Variants in OVOL2 observed in about 807,000 individuals in gnomAD.
The protein encoded by OVOL2 is transcription factor Ovo-like 2.
A neutral mutation model predicts 18.1 loss-of-function variants in OVOL2; 13 were observed. The observed-to-expected ratio is 0.72, with a 90% confidence interval of 0.47 to 1.14. OVOL2 has a LOEUF of 1.14. Ranked by LOEUF, OVOL2 falls within the 50% of genes most tolerant of loss-of-function variation. OVOL2 has a pLI of 0.00. For synonymous variants in OVOL2, 166 were observed against 162.7 expected (o/e 1.02, Z -0.16); for missense variants, 335 against 383.0 (o/e 0.87, Z 1.05).
At position 18,057,345 on chromosome 20, in the gene OVOL2, G is replaced by A. The variant is rs1433276107; in HGVS notation, c.100+190C>T. On this transcript the variant is annotated intron_variant, in intron 1 of 3. Transcript: ENST00000278780. The surrounding 1 kb of genome is among the most constrained non-coding windows in gnomAD (Gnocchi z 6.3). The stretch of plus-strand genomic sequence containing the variant: ...TTAGAGGCTCCCACTACGGGGAAGG[G>A]GGCGCCTAGAGTCTGGGGCATCCCA... 6.6e-6 allele frequency among the ~76,000 whole-genome samples: 1 copy of A among 152,168 alleles called. No homozygotes were observed. The highest frequency in any genetic ancestry group is 1.5e-5 in the Non-Finnish European group (1 of 68,024).
chr20:18,036,862 C>T (rs1325887198), intron 3 of OVOL2, among the ~76,000 whole-genome samples: 4 of 152,094 alleles, frequency 2.6e-5, no homozygotes, highest in African/African-American at 7.2e-5. Flanking sequence ...ACAGGCCGGG[C>T]GCGGTGGCTC....
chr20:18,048,878 T>G (rs1600450011), intron 2 of OVOL2, among the ~76,000 whole-genome samples: 1 of 152,266 alleles, frequency 6.6e-6, no homozygotes, highest in African/African-American at 2.4e-5. Flanking sequence ...ATTAATATAT[T>G]TAATTATAAG....
At chr20:18,051,356 G>A (rs538014634) in intron 2 of OVOL2, among the ~76,000 whole-genome samples, 1 of 152,130 alleles carries the variant, frequency 6.6e-6, no homozygotes, top group Admixed American at 6.5e-5. Context: ...AATGAACTGT[G>A]CCACTGGAAA....
rs1436962143 is a variant in OVOL2, at chr20:18,024,597, A to T, written c.*39T>A. ...GAAAACCAAAAATCCACGTAGACAT[A>T]CGTGGCAGTGTGAACGTCTGTCCTC... On this transcript the variant is annotated 3_prime_UTR_variant, in exon 4 of 4. Coordinates refer to ENST00000278780, the MANE Select transcript of OVOL2 (RefSeq NM_021220.4). 2 of 1,517,280 alleles carry T rather than the reference A, an allele frequency of 1.3e-6. No individual in the cohort carries two copies. Among genetic ancestry groups the T allele is most frequent in the African/African-American group, 1.4e-5 (1 of 72,438 alleles). The allele number at this position is 1,517,280 out of a possible 1,614,324, so 94.0% of individuals were successfully genotyped here.
intron 2 of OVOL2, among the ~76,000 whole-genome samples, chr20:18,050,353 C>T (rs1483521668): frequency 6.6e-6 from 1 of 152,208 alleles, no homozygotes; most frequent in Non-Finnish European, 1.5e-5. Context: ...GGACGGGCAG[C>T]CATCGAGGTG....
chr20:18,033,624 A>G (rs1055037111), intron 3 of OVOL2, among the ~76,000 whole-genome samples: 3 of 152,204 alleles, frequency 2.0e-5, no homozygotes, highest in African/African-American at 7.2e-5. Context: ...GACTTAAATG[A>G]TGGGCCTGGC....
intron 2 of OVOL2, among the ~76,000 whole-genome samples, chr20:18,048,153 G>A (rs548786528): frequency 1.3e-5 from 2 of 151,770 alleles, no homozygotes; most frequent in African/African-American, 4.8e-5. Context: ...CAGTTGTGGT[G>A]GTGCACGCCT....
Position 18,042,876 on chromosome 20 carries a change from G to C in OVOL2, c.322-1153C>G, listed in dbSNP as rs528194018. On this transcript the variant is annotated intron_variant, in intron 2 of 3. Transcript: ENST00000278780. The stretch of plus-strand genomic sequence containing the variant: ...GTTCCCCTTCCGCCTTCTATGAGTG[G>C]AAGCTTCCTGAGGGCCTCACCAGAA... Among the ~76,000 whole-genome samples the C allele has an allele frequency of 1.7e-3, 253 of 151,914 alleles. 1 individual carries two copies. Among genetic ancestry groups the C allele is most frequent in the African/African-American group, 5.9e-3 (244 of 41,418 alleles).
rs1012101908 is a variant in OVOL2 at position 18,057,217 on chromosome 20, C to A, written c.100+318G>T. On this transcript the variant is annotated intron_variant, in intron 1 of 3. Coordinates refer to ENST00000278780, the MANE Select transcript of OVOL2 (RefSeq NM_021220.4). This position sits in a 1 kb window ranked among gnomAD's most constrained non-coding sequence, Gnocchi z 6.3. ...AGAAGGGTTGGCGAGCCTTTGTGCA[C>A]CCCCATGAGGACGTGAGATTGGGGG... Among the ~76,000 whole-genome samples the A allele has an allele frequency of 6.6e-6, 1 of 152,078 alleles. No individual in the cohort carries two copies. The highest frequency in any genetic ancestry group is 1.5e-5 in the Non-Finnish European group (1 of 68,000).
chr20:18,041,249 C>T lies in OVOL2; in HGVS notation c.511+285G>A, dbSNP rs369223487. On this transcript the variant is annotated intron_variant, in intron 3 of 3. Transcript: ENST00000278780. ...CATGATCTTGGCTCACTGCAACCTC[C>T]GCCTCCCAGGTTCAAGCGATTCTCC... is the stretch of plus-strand genomic sequence containing the variant. 6.0e-4 allele frequency among the ~76,000 whole-genome samples: 91 copies of T among 152,156 alleles called. 1 individual carries two copies. The highest frequency in any genetic ancestry group is 2.0e-3 in the African/African-American group (84 of 41,506).
intron 2 of OVOL2, among the ~76,000 whole-genome samples, chr20:18,044,274 A>T (rs544394112): frequency 6.6e-6 from 1 of 152,248 alleles, no homozygotes; most frequent in Non-Finnish European, 1.5e-5. Flanking sequence ...AAGTCATGCT[A>T]TATTCCATCT....
Position 18,056,795 on chromosome 20 carries a change from G to T in OVOL2, c.183C>A (p.Ser61Arg), listed in dbSNP as rs1471329498. 8 of 1,495,952 alleles carry T rather than the reference G, an allele frequency of 5.3e-6. No homozygotes were observed. The highest frequency in any genetic ancestry group is 7.1e-6 in the Non-Finnish European group (8 of 1,130,200). The allele number at this position is 1,495,952 out of a possible 1,614,324, so 92.7% of individuals were successfully genotyped here. Reference sequence around the variant, plus strand: ...TCTCTGCTCCTCCAGGCTCCCCCGCGCTGCTGCTGCCGCTGCCGCTGCTGC... The same window carrying T: ...TCTCTGCTCCTCCAGGCTCCCCCGCTCTGCTGCTGCCGCTGCCGCTGCTGC... Reference protein sequence around the residue: ...GGSSSGSGSSSAGEPGGAESS... With the variant: ...GGSSSGSGSSRAGEPGGAESS... The change falls in exon 2 of 4, where the codon AGC becomes AGA. Residue 61 changes from serine to arginine, a missense_variant. By Grantham distance (110) the Ser-to-Arg change is moderately radical (BLOSUM62 -1). Coordinates refer to ENST00000278780, the MANE Select transcript of OVOL2 (RefSeq NM_021220.4). The surrounding 1 kb of genome is among the most constrained non-coding windows in gnomAD (Gnocchi z 4.2).
intron 2 of OVOL2, among the ~76,000 whole-genome samples, chr20:18,049,037 T>C (rs1379126019): frequency 1.3e-5 from 2 of 152,174 alleles, no homozygotes; most frequent in Non-Finnish European, 2.9e-5. Flanking sequence ...GAAATGACCT[T>C]GGTCTTGAAA....
In OVOL2 at chr20:18,024,439, A is replaced by C; in HGVS notation, c.*197T>G. On this transcript the variant is annotated 3_prime_UTR_variant, in exon 4 of 4. Coordinates refer to ENST00000278780, the MANE Select transcript of OVOL2 (RefSeq NM_021220.4). ...TGTGAGCAACTGCGCCAGACAGGAC[A>C]CAGGTTACAGGGCCTGACGTCACTA... The C allele has an allele frequency of 8.2e-7, 1 of 1,212,892 alleles. No individual in the cohort carries two copies. The highest frequency in any genetic ancestry group is 1.1e-6 in the Non-Finnish European group (1 of 913,570). 75.1% of individuals were successfully genotyped at this position (1,212,892 alleles called of 1,614,324 possible).
At position 18,056,741 on chromosome 20, in the gene OVOL2, G is replaced by C. The variant is rs1822052419; in HGVS notation, c.237C>G (p.Ser79Arg). ...ESSSSPHAPE[S>R]ETPEPGDAEG... ...CGGCGTCGCCGGGCTCGGGGGTTTC[G>C]CTCTCGGGGGCGTGCGGGGACGAGC... The change falls in exon 2 of 4, where the codon AGC becomes AGG. Residue 79 changes from serine (S) to arginine (R), a missense_variant. By Grantham distance (110) the Ser-to-Arg change is moderately radical. Transcript: ENST00000278780. This position sits in a 1 kb window ranked among gnomAD's most constrained non-coding sequence, Gnocchi z 4.2. 2 of 1,484,440 alleles carry C rather than the reference G, an allele frequency of 1.3e-6. No individual in the cohort carries two copies. Among genetic ancestry groups the C allele is most frequent in the African/African-American group, 1.5e-5 (1 of 68,018 alleles). The allele number at this position is 1,484,440 out of a possible 1,614,324, so 92.0% of individuals were successfully genotyped here.
chr20:18,043,767 CGCT>C, intron 2 of OVOL2, among the ~76,000 whole-genome samples: 1 of 152,188 alleles, frequency 6.6e-6, no homozygotes, highest in East Asian at 1.9e-4. Flanking sequence ...CTACCACCTT[CGCT>C]GCTGCTAAGG....
chr20:18,040,391 G>A (rs2036657905), intron 3 of OVOL2, among the ~76,000 whole-genome samples: 2 of 152,130 alleles, frequency 1.3e-5, no homozygotes, highest in African/African-American at 4.8e-5. Flanking sequence ...GTGATGGGCT[G>A]GGATGGGCTG....
intron 3 of OVOL2, among the ~76,000 whole-genome samples, chr20:18,025,355 G>A (rs1724888739): frequency 1.3e-5 from 2 of 152,142 alleles, no homozygotes; most frequent in South Asian, 4.1e-4. Flanking sequence ...ATGACTTGAG[G>A]TCAGGAGTTC....
chr20:18,035,277 C>A (rs756508582), intron 3 of OVOL2, among the ~76,000 whole-genome samples: 4 of 152,082 alleles, frequency 2.6e-5, no homozygotes, highest in African/African-American at 7.2e-5. Context: ...ATGGTGAAAC[C>A]CCATCTCTAC....
Sources: gnomAD v4.1 joint callset for allele counts (sites outside exome capture counted in the v4.1 genomes callset) on GRCh38, gnomAD v4.1.1 for gene constraint, Gnocchi (gnomAD v3.1) non-coding constraint, MANE v1.5 for transcripts, NCBI Gene and HGNC (gene_info 2026-07-23, HGNC 2026-07-21) for gene names.